Variants in STK3 observed in about 807,000 individuals in gnomAD.
STK3 encodes the protein serine/threonine kinase 3.
STK3 carries 41 observed loss-of-function variants against 58.0 expected under a neutral mutation model. The ratio of observed to expected loss-of-function variants is 0.71; its 90% CI spans 0.55 to 0.92. The LOEUF is 0.92. STK3 is among the 40% of genes least tolerant of loss of function. The probability of loss-of-function intolerance (pLI) is 0.00; values close to 1 mark genes in which losing one functional copy is unlikely to be tolerated. For synonymous variants in STK3, 170 were observed against 191.0 expected, an observed-to-expected ratio of 0.89 and a Z score of 0.91; for missense variants, 479 against 602.7, an observed-to-expected ratio of 0.79 and a Z score of 2.15.
At chr8:98,893,474 GAAAGAAAGAAAGAGAAAGAAAGAA>G (rs1838304019) in intron 1 of STK3, among the ~76,000 whole-genome samples, 84 of 65,248 alleles carry the variant, frequency 1.3e-3, no homozygotes, top group South Asian at 2.7e-3. Flanking sequence ...AAGAAAGAAA[GAAAGAAAGAAAGAGAAAGAAAGAA>G]AGAAAGAAAG....
chr8:98,914,245 A>C (rs1299654212), intron 1 of STK3, among the ~76,000 whole-genome samples: 7 of 152,134 alleles, frequency 4.6e-5, no homozygotes, highest in Admixed American at 4.6e-4. Flanking sequence ...GAGGAGTTTG[A>C]GACCAGCCTA....
At chr8:98,542,872 C>A (rs1360918613) in intron 9 of STK3, among the ~76,000 whole-genome samples, 1 of 152,182 alleles carries the variant, frequency 6.6e-6, no homozygotes, top group African/African-American at 2.4e-5. Context: ...AACACAATTA[C>A]TAAATGATTT....
At chr8:98,861,057 C>T (rs1440255282) in intron 3 of STK3, among the ~76,000 whole-genome samples, 1 of 151,784 alleles carries the variant, frequency 6.6e-6, no homozygotes, top group African/African-American at 2.4e-5. Flanking sequence ...AAGACTCTAT[C>T]CCAAAAGAAA....
chr8:98,584,090 A>T (rs893873313), intron 7 of STK3, among the ~76,000 whole-genome samples: 86 of 151,026 alleles, frequency 5.7e-4, no homozygotes, highest in East Asian at 1.9e-3. Context: ...TTTTTTTTTT[A>T]AAGTTTTTTT....
At chr8:98,588,112 T>C (rs1166784517) in intron 7 of STK3, among the ~76,000 whole-genome samples, 6 of 152,128 alleles carry the variant, frequency 3.9e-5, no homozygotes, top group South Asian at 2.1e-4. Context: ...AAAGTTAATA[T>C]TGTTATGTGT....
At chr8:98,647,882 T>C (rs1469747672) in intron 6 of STK3, among the ~76,000 whole-genome samples, 1 of 152,230 alleles carries the variant, frequency 6.6e-6, no homozygotes, top group African/African-American at 2.4e-5. Flanking sequence ...ACATACCTTT[T>C]ACAATACAAC....
chr8:98,404,307 C>T (rs1817973131), intron 3 of STK3, among the ~76,000 whole-genome samples: 1 of 152,122 alleles, frequency 6.6e-6, no homozygotes, highest in East Asian at 1.9e-4. Context: ...GAGACTGAAG[C>T]AGGAAGATCA....
At chr8:98,421,341 G>A (rs1818171089) in intron 3 of STK3, among the ~76,000 whole-genome samples, 1 of 152,200 alleles carries the variant, frequency 6.6e-6, no homozygotes, top group South Asian at 2.1e-4. Flanking sequence ...TAGGGTAGAG[G>A]GGAAAGATGG....
At position 98,730,388 on chromosome 8, in the gene STK3, G is replaced by A. The variant is rs538522436; in HGVS notation, c.351+18888C>T. Among the ~76,000 whole-genome samples, 15 of 152,190 alleles carry A rather than the reference G, an allele frequency of 9.9e-5. No homozygotes were observed. In the South Asian group the frequency reaches 3.1e-3, roughly 32 times the overall value. On this transcript the variant is annotated intron_variant, in intron 4 of 10. Coordinates refer to ENST00000419617, the MANE Select transcript of STK3 (RefSeq NM_006281.4). ...CCTGATAAAGGTATATAGTGAAAAT[G>A]TCTCTTATATATCAAACTGAATGTT...
chr8:98,540,828 A>G (rs1338999257), intron 9 of STK3, among the ~76,000 whole-genome samples: 1 of 152,082 alleles, frequency 6.6e-6, no homozygotes, highest in African/African-American at 2.4e-5. Context: ...AACAGAAGCT[A>G]TATGCCTGCT....
chr8:98,849,934 T>C (rs2131827980), intron 3 of STK3, among the ~76,000 whole-genome samples: 1 of 152,134 alleles, frequency 6.6e-6, no homozygotes, highest in African/African-American at 2.4e-5. Context: ...GAAAGGAAAA[T>C]ATGCCTGCAA....
chr8:98,615,321 C>T (rs1431063573), intron 6 of STK3, among the ~76,000 whole-genome samples: 1 of 144,680 alleles, frequency 6.9e-6, no homozygotes, highest in Non-Finnish European at 1.5e-5. Context: ...ACATCACCAT[C>T]ATCAAAGACC....
At chr8:98,787,280 C>T (rs1489246370) in intron 1 of STK3, among the ~76,000 whole-genome samples, 1 of 144,088 alleles carries the variant, frequency 6.9e-6, no homozygotes, top group South Asian at 2.2e-4. Flanking sequence ...TACAGAAATG[C>T]AAAATGCTCT....
chr8:98,788,331 A>G (rs1832598097), intron 1 of STK3, among the ~76,000 whole-genome samples: 1 of 151,910 alleles, frequency 6.6e-6, no homozygotes, highest in Admixed American at 6.6e-5. Flanking sequence ...CCAGCTACTC[A>G]GGAGGCTGAG....
At chr8:98,737,530 C>T (rs965325388) in intron 4 of STK3, among the ~76,000 whole-genome samples, 2 of 151,988 alleles carry the variant, frequency 1.3e-5, no homozygotes, top group African/African-American at 4.8e-5. Flanking sequence ...GGAACAGGGT[C>T]AGAGGAGTAA....
intron 1 of STK3, among the ~76,000 whole-genome samples, chr8:98,777,005 G>A (rs1831730961): frequency 6.6e-6 from 1 of 151,388 alleles, no homozygotes; most frequent in African/African-American, 2.4e-5. Context: ...AGCCGAGATC[G>A]CGCCGCTGCA....
chr8:98,751,319 C>T (rs1829967788), intron 3 of STK3, among the ~76,000 whole-genome samples: 3 of 152,162 alleles, frequency 2.0e-5, no homozygotes, highest in African/African-American at 7.2e-5. Context: ...CAAACTACCC[C>T]TGTTTGCAGA....
At chr8:98,773,179 C>G (rs536306471) in intron 2 of STK3, among the ~76,000 whole-genome samples, 4 of 152,132 alleles carry the variant, frequency 2.6e-5, no homozygotes, top group Non-Finnish European at 5.9e-5. Flanking sequence ...TATGTCCTTT[C>G]TCTTTTTTCT....
intron 4 of STK3, among the ~76,000 whole-genome samples, chr8:98,739,621 T>C (rs1417031862): frequency 2.1e-5 from 3 of 145,874 alleles, no homozygotes; most frequent in Admixed American, 6.9e-5. Context: ...AGACCAAAAG[T>C]AGATAAAACC....
Sources: gnomAD v4.1 joint callset for allele counts (sites outside exome capture counted in the v4.1 genomes callset) on GRCh38, gnomAD v4.1.1 for gene constraint, MANE v1.5 for transcripts, NCBI Gene and HGNC (gene_info 2026-07-23, HGNC 2026-07-21) for gene names.